The following SNRPN variants were observed in gnomAD, a reference collection of about 807,000 sequenced individuals.
SNRPN encodes the protein small nuclear ribonucleoprotein polypeptide N, also known as small nuclear ribonucleoprotein-associated protein N.
In SNRPN, 7 loss-of-function variants were observed where a neutral mutation model predicts 25.2. That is an observed-to-expected ratio of 0.28 (90% CI 0.16 to 0.52). The LOEUF (loss-of-function observed/expected upper bound fraction) is 0.52, where lower values mean the gene tolerates loss of function less well. Among genes scored for constraint, SNRPN ranks in the 20% least tolerant of loss-of-function variants. SNRPN has a pLI of 0.96. For synonymous variants in SNRPN, 124 were observed against 110.6 expected (o/e 1.12, Z -0.76); for missense variants, 196 against 322.5 (o/e 0.61, Z 3.00).
At chr15:24,876,598 C>T (rs2055904016) in intron 1 of SNRPN, among the ~76,000 whole-genome samples, 1 of 129,218 alleles carries the variant, frequency 7.7e-6, no homozygotes, top group South Asian at 2.4e-4. Context: ...GCCTGGGCCA[C>T]AGAGCGAGAC....
chr15:24,856,406 C>G (rs1046713794), upstream of SNRPN: 2 of 152,246 alleles, frequency 1.3e-5, no homozygotes, highest in Non-Finnish European at 1.5e-5. Flanking sequence ...CCTTCTGAAG[C>G]CTTTGGGATT....
At chr15:24,894,409 G>A (rs1039289811) in intron 2 of SNRPN, among the ~76,000 whole-genome samples, 4 of 152,136 alleles carry the variant, frequency 2.6e-5, no homozygotes, top group Middle Eastern at 3.4e-3. Context: ...TAGTAGAGAC[G>A]GGCTTTCACC....
chr15:24,945,163 C>T (rs1440349531), intron 3 of SNRPN, among the ~76,000 whole-genome samples: 1 of 152,080 alleles, frequency 6.6e-6, no homozygotes, highest in African/African-American at 2.4e-5. Flanking sequence ...GTTACAACTA[C>T]TCAACTGTGT....
Position 24,976,858 on chromosome 15 carries a change from A to G in SNRPN, c.268-19A>G. On this transcript the variant is annotated intron_variant, in intron 6 of 9. Coordinates refer to ENST00000390687, the MANE Select transcript of SNRPN (RefSeq NM_003097.6). Reference sequence around the variant, plus strand: ...CTTGTAAATTGTTTGATTTTAGGCTATGAATTTTCTTGTTTCAGACTGGCA... The same window carrying G: ...CTTGTAAATTGTTTGATTTTAGGCTGTGAATTTTCTTGTTTCAGACTGGCA... 1.2e-6 allele frequency: 2 copies of G among 1,604,008 alleles called. No homozygotes were observed. The highest frequency in any genetic ancestry group is 1.7e-6 in the Non-Finnish European group (2 of 1,176,964).
chr15:24,902,745 G>T (rs151309526), intron 2 of SNRPN, among the ~76,000 whole-genome samples: 103 of 152,310 alleles, frequency 6.8e-4, no homozygotes, highest in African/African-American at 2.2e-3. Flanking sequence ...TGGGTTCATG[G>T]TCTCGCCGGC....
chr15:24,975,094 A>C (rs1417864193), intron 4 of SNRPN: 1 of 645,964 alleles, frequency 1.5e-6, no homozygotes, highest in African/African-American at 1.8e-5. Context: ...TGGACAGTTT[A>C]GAGCATGCAT....
chr15:24,947,719 C>A (rs1187008217), intron 3 of SNRPN, among the ~76,000 whole-genome samples: 1 of 152,182 alleles, frequency 6.6e-6, no homozygotes, highest in African/African-American at 2.4e-5. Context: ...TCTTTCCACC[C>A]CTTCCAAAAG....
intron 1 of SNRPN, among the ~76,000 whole-genome samples, chr15:24,956,334 G>C (rs1312484458): frequency 2.7e-5 from 4 of 147,554 alleles, no homozygotes; most frequent in Middle Eastern, 3.6e-3. Flanking sequence ...CAGCGGCTTA[G>C]ATCTGCGCAA....
chr15:24,828,450 T>G (rs1484812057), intron 1 of SNRPN, among the ~76,000 whole-genome samples: 2 of 151,760 alleles, frequency 1.3e-5, no homozygotes, highest in African/African-American at 2.4e-5. Flanking sequence ...ATTTGAAAAA[T>G]AAACATATGT....
chr15:24,948,298 T>C (rs1044838289), intron 3 of SNRPN, among the ~76,000 whole-genome samples: 12 of 152,002 alleles, frequency 7.9e-5, no homozygotes, highest in African/African-American at 2.9e-4. Flanking sequence ...ATTTTTAGTA[T>C]AGACGGGGTT....
At chr15:24,892,194 G>A (rs2057735951) in intron 2 of SNRPN, among the ~76,000 whole-genome samples, 1 of 152,184 alleles carries the variant, frequency 6.6e-6, no homozygotes, top group Non-Finnish European at 1.5e-5. Context: ...TTTCCAAATA[G>A]TCTTTTTTTC....
upstream of SNRPN, among the ~76,000 whole-genome samples, chr15:24,954,692 T>G (rs969230118): frequency 2.6e-5 from 4 of 152,220 alleles, no homozygotes; most frequent in Admixed American, 6.5e-5. Context: ...GTGCAAAAAT[T>G]TATTGTAGAA....
At chr15:24,914,212 A>G (rs1284828124) in intron 2 of SNRPN, among the ~76,000 whole-genome samples, 1 of 152,200 alleles carries the variant, frequency 6.6e-6, no homozygotes, top group Non-Finnish European at 1.5e-5. Context: ...CTTCAGCTCA[A>G]CAATGCTTCC....
At chr15:24,865,253 G>A (rs2054464572) in intron 1 of SNRPN, among the ~76,000 whole-genome samples, 1 of 152,048 alleles carries the variant, frequency 6.6e-6, no homozygotes, top group African/African-American at 2.4e-5. Context: ...CACCATGTTG[G>A]CCAGGCTGGT....
At chr15:24,927,796 G>C (rs948518043) in intron 3 of SNRPN, among the ~76,000 whole-genome samples, 3 of 151,882 alleles carry the variant, frequency 2.0e-5, no homozygotes, top group African/African-American at 7.3e-5. Context: ...TGGTTCCTCT[G>C]CCTGCCTTTG....
upstream of SNRPN, among the ~76,000 whole-genome samples, chr15:24,953,528 G>A (rs1356596571): frequency 6.6e-6 from 1 of 152,060 alleles, no homozygotes; most frequent in Non-Finnish European, 1.5e-5. Flanking sequence ...TCACCATGTT[G>A]GCCAGGATGG....
At chr15:24,840,366 TA>T (rs1555378021) in intron 2 of SNRPN, among the ~76,000 whole-genome samples, 2 of 151,876 alleles carry the variant, frequency 1.3e-5, no homozygotes, top group Non-Finnish European at 2.9e-5. Context: ...CTCAAAAAAA[TA>T]AAATAAAATA....
chr15:24,834,480 G>A (rs1217182455), intron 2 of SNRPN, among the ~76,000 whole-genome samples: 1 of 151,962 alleles, frequency 6.6e-6, no homozygotes, highest in African/African-American at 2.4e-5. Context: ...TATTGACTCA[G>A]TTTTCAACTT....
intron 3 of SNRPN, chr15:24,942,553 A>C (rs1343382993): frequency 1.3e-5 from 2 of 152,232 alleles, no homozygotes; most frequent in African/African-American, 4.8e-5. Context: ...TGTTGTTTGG[A>C]ATACTATGAT....
Sources: allele counts gnomAD v4.1 joint callset (sites outside exome capture counted in the v4.1 genomes callset), GRCh38; gene constraint gnomAD v4.1.1; transcripts MANE v1.5; gene names NCBI Gene and HGNC (gene_info 2026-07-23, HGNC 2026-07-21).